Variants in IL15 observed in about 807,000 individuals in gnomAD.
IL15 encodes the protein interleukin-15.
Under a neutral mutation model 19.6 loss-of-function variants are expected in IL15, and 11 were observed. That is an observed-to-expected ratio of 0.56 (90% CI 0.35 to 0.93). The LOEUF (loss-of-function observed/expected upper bound fraction) is 0.93, where lower values mean the gene tolerates loss of function less well. Ranked by LOEUF, IL15 falls within the 40% of genes least tolerant of loss-of-function variation. The pLI, the probability that IL15 is intolerant of heterozygous loss-of-function variation, is 0.01. For synonymous variants in IL15, 58 were observed against 59.6 expected (o/e 0.97, Z 0.12); for missense variants, 197 against 186.5 (o/e 1.06, Z -0.33).
chr4:141,649,739 C>T (rs953849577), intron 1 of IL15, among the ~76,000 whole-genome samples: 11 of 151,942 alleles, frequency 7.2e-5, no homozygotes, highest in Non-Finnish European at 1.3e-4. Flanking sequence ...AGTAGGAGCA[C>T]GCTTGCTGCA....
chr4:141,698,351 T>C (rs533275459), intron 2 of IL15, among the ~76,000 whole-genome samples: 11 of 152,228 alleles, frequency 7.2e-5, no homozygotes, highest in Admixed American at 6.5e-4. Flanking sequence ...ACTGGCGTTA[T>C]AGAATGATTT....
At chr4:141,705,863 A>G (rs1729497365) in intron 2 of IL15, among the ~76,000 whole-genome samples, 1 of 151,696 alleles carries the variant, frequency 6.6e-6, no homozygotes, top group African/African-American at 2.4e-5. Flanking sequence ...TTTTGACTTG[A>G]TGCCTATTTT....
intron 2 of IL15, among the ~76,000 whole-genome samples, chr4:141,674,018 AT>A (rs201522833): frequency 0.018 from 2,788 of 152,342 alleles, 35 homozygotes; most frequent in Non-Finnish European, 0.026. Context: ...GCTAAAGTTG[AT>A]ATTAAAGTGT....
chr4:141,671,930 A>G (rs971616058), intron 2 of IL15, among the ~76,000 whole-genome samples: 37 of 152,304 alleles, frequency 2.4e-4, no homozygotes, highest in African/African-American at 8.9e-4. Context: ...ATCTTTGCAA[A>G]CTATCTACCA....
rs572435536 is a variant in IL15, at chr4:141,671,880, C to G, written c.-100+15573C>G. 2.6e-5 allele frequency among the ~76,000 whole-genome samples: 4 copies of G among 152,326 alleles called. No individual in the cohort carries two copies. The South Asian group carries it at 8.3e-4, about 32-fold the overall frequency. On this transcript the variant is annotated intron_variant, in intron 2 of 7. Coordinates refer to ENST00000320650, the MANE Select transcript of IL15 (RefSeq NM_000585.5). ...CAATGGGAGAAGTGGCAAATTCACA[C>G]TGGAGAAGGGTGCATGGGATGGAAG...
chr4:141,648,493 CA>C (rs1727302125), intron 1 of IL15, among the ~76,000 whole-genome samples: 1 of 151,786 alleles, frequency 6.6e-6, no homozygotes, highest in Non-Finnish European at 1.5e-5. Context: ...TTCAGTAGGA[CA>C]AAAAAGATGA....
At chr4:141,713,668 T>C (rs1324850457) in intron 2 of IL15, among the ~76,000 whole-genome samples, 1 of 152,216 alleles carries the variant, frequency 6.6e-6, no homozygotes, top group Non-Finnish European at 1.5e-5. Flanking sequence ...ATGGCCTTGC[T>C]TGGGTTCTGC....
chr4:141,671,933 A>C (rs758964492), intron 2 of IL15, among the ~76,000 whole-genome samples: 5 of 152,206 alleles, frequency 3.3e-5, no homozygotes, highest in Non-Finnish European at 5.9e-5. Flanking sequence ...TTTGCAAACT[A>C]TCTACCACAT....
intron 2 of IL15, among the ~76,000 whole-genome samples, chr4:141,675,436 C>T (rs2152169690): frequency 6.6e-6 from 1 of 152,252 alleles, no homozygotes; most frequent in South Asian, 2.1e-4. Flanking sequence ...AGGTGAACTC[C>T]AGCACTATAA....
chr4:141,672,768 A>G (rs555099126), intron 2 of IL15, among the ~76,000 whole-genome samples: 3 of 152,354 alleles, frequency 2.0e-5, no homozygotes, highest in African/African-American at 7.2e-5. Flanking sequence ...TGTTGATCGT[A>G]GACTCTAGCT....
At chr4:141,683,525 C>G (rs1728608527) in intron 2 of IL15, among the ~76,000 whole-genome samples, 1 of 150,180 alleles carries the variant, frequency 6.7e-6, no homozygotes, top group South Asian at 2.1e-4. Flanking sequence ...GAGCCGAGAT[C>G]GCGCCACTGC....
intron 2 of IL15, among the ~76,000 whole-genome samples, chr4:141,664,357 A>C (rs1339596549): frequency 7.0e-6 from 1 of 143,808 alleles, no homozygotes; most frequent in East Asian, 1.9e-4. Flanking sequence ...ACACACACAC[A>C]CACACACACA....
chr4:141,683,905 T>C lies in IL15; in HGVS notation c.-100+27598T>C, dbSNP rs144025745. Among the ~76,000 whole-genome samples the C allele has an allele frequency of 7.1e-4, 108 of 152,342 alleles. 1 individual carries two copies. Among genetic ancestry groups the C allele is most frequent in the African/African-American group, 2.4e-3 (98 of 41,588 alleles). On this transcript the variant is annotated intron_variant, in intron 2 of 7. Coordinates refer to ENST00000320650, the MANE Select transcript of IL15 (RefSeq NM_000585.5). The stretch of plus-strand genomic sequence containing the variant: ...TAAAGGGATTTATAACCCAAACATA[T>C]TGCGAATGGATTTGTAGAGAGATTA...
intron 2 of IL15, among the ~76,000 whole-genome samples, chr4:141,673,473 A>G (rs1275185189): frequency 6.6e-6 from 1 of 152,174 alleles, no homozygotes; most frequent in East Asian, 1.9e-4. Flanking sequence ...TGCCTTTGGT[A>G]TCTTACTCAT....
At chr4:141,647,603 A>G (rs1166566409) in intron 1 of IL15, among the ~76,000 whole-genome samples, 1 of 151,984 alleles carries the variant, frequency 6.6e-6, no homozygotes, top group Admixed American at 6.6e-5. Context: ...TTCGAGGAGG[A>G]ATTGACCAGC....
At chr4:141,667,955 T>A (rs1482568411) in intron 2 of IL15, among the ~76,000 whole-genome samples, 1 of 152,238 alleles carries the variant, frequency 6.6e-6, no homozygotes, top group Non-Finnish European at 1.5e-5. Context: ...GTTAATATTC[T>A]GTGAAAACCA....
At chr4:141,718,585 GC>G (rs1729969886) in intron 2 of IL15, 1 of 152,050 alleles carries the variant, frequency 6.6e-6, no homozygotes, top group African/African-American at 2.4e-5. Context: ...ATAAGTGTTA[GC>G]TTTTTCTTTC....
chr4:141,725,630 TAGAA>T (rs1413027617), intron 5 of IL15, among the ~76,000 whole-genome samples: 1 of 152,152 alleles, frequency 6.6e-6, no homozygotes, highest in Non-Finnish European at 1.5e-5. Context: ...TAAAATTTCT[TAGAA>T]AGTAGGTGTG....
intron 2 of IL15, among the ~76,000 whole-genome samples, chr4:141,698,691 T>G (rs1729182600): frequency 6.6e-6 from 1 of 152,164 alleles, no homozygotes; most frequent in Non-Finnish European, 1.5e-5. Flanking sequence ...TATCTCTTGT[T>G]TCATTTCTAA....
Sources: gnomAD v4.1 joint callset for allele counts (sites outside exome capture counted in the v4.1 genomes callset) on GRCh38, gnomAD v4.1.1 for gene constraint, MANE v1.5 for transcripts, NCBI Gene and HGNC (gene_info 2026-07-23, HGNC 2026-07-21) for gene names.